The following HERC3 variants were observed in gnomAD, a reference collection of about 807,000 sequenced individuals.
The protein encoded by HERC3 is probable E3 ubiquitin-protein ligase HERC3.
In HERC3, 58 loss-of-function variants were observed where a neutral mutation model predicts 129.9. The observed-to-expected ratio is 0.45, with a 90% CI of 0.36 to 0.56. HERC3 has a LOEUF of 0.56. Ranked by LOEUF, HERC3 falls within the 20% of genes least tolerant of loss-of-function variation. The pLI is 0.00. For synonymous variants in HERC3, 430 were observed against 451.0 expected (o/e 0.95, Z 0.59); for missense variants, 835 against 1,244.2 (o/e 0.67, Z 4.95).
chr4:88,552,898 C>G, the HERC3 span, among the ~76,000 whole-genome samples: 1 of 152,186 alleles, frequency 6.6e-6, no homozygotes, highest in South Asian at 2.1e-4. Flanking sequence ...CCCTCTTTCG[C>G]TACCCTCCAA....
intron 3 of HERC3, 92 bp downstream of exon 3, chr4:88,606,141 G>A: frequency 9.8e-7 from 1 of 1,016,662 alleles, no homozygotes; most frequent in Non-Finnish European, 1.4e-6. Context: ...TCTCCACCAA[G>A]TGTTCGGTTT....
At chr4:88,523,951 T>C in the HERC3 span, 1 of 481,156 alleles carries the variant, frequency 2.1e-6, no homozygotes, top group Non-Finnish European at 3.6e-6. Flanking sequence ...CCCGCCGCCT[T>C]ACCAGACTAC....
chr4:88,636,389 A>G (rs1727401075), intron 3 of HERC3, among the ~76,000 whole-genome samples: 1 of 152,226 alleles, frequency 6.6e-6, no homozygotes, highest in Non-Finnish European at 1.5e-5. Context: ...CAAGATCAAA[A>G]AAAAGACAAA....
Position 88,594,410 on chromosome 4 carries a change from C to G in HERC3, c.-87-1147C>G, listed in dbSNP as rs544257500. Among the ~76,000 whole-genome samples the G allele has an allele frequency of 4.6e-5, 7 of 152,218 alleles. No homozygotes were observed. The South Asian group carries it at 1.5e-3, about 32-fold the overall frequency. Reference sequence around the variant, plus strand: ...GGTAGAAATAAAGTTATGACAATATCTTTTCTTTCGAGATGGGGGGTCTCG... The same window carrying G: ...GGTAGAAATAAAGTTATGACAATATGTTTTCTTTCGAGATGGGGGGTCTCG... On this transcript the variant is annotated intron_variant, in intron 1 of 25. Transcript: ENST00000402738.
At chr4:88,593,434 G>T (rs1032917577) in intron 1 of HERC3, 6 of 152,288 alleles carry the variant, frequency 3.9e-5, no homozygotes, top group African/African-American at 1.4e-4. Flanking sequence ...AGCCTATGGA[G>T]ACAGTACCTA....
chr4:88,678,214 T>A (rs577980533), intron 19 of HERC3, 80 bp downstream of exon 19: 1 of 1,298,310 alleles, frequency 7.7e-7, no homozygotes, highest in East Asian at 2.4e-5. Context: ...AGTGATCTTA[T>A]TAAAATTGTG....
intron 2 of HERC3, among the ~76,000 whole-genome samples, chr4:88,602,402 CAAA>C (rs112656963): frequency 1.2e-4 from 6 of 51,226 alleles, no homozygotes; most frequent in Non-Finnish European, 1.8e-4. Context: ...ACTTGGTCTC[CAAA>C]AAAAAAAAAA....
chr4:88,600,940 C>G (rs563652369), intron 2 of HERC3, among the ~76,000 whole-genome samples: 2 of 152,236 alleles, frequency 1.3e-5, no homozygotes, highest in South Asian at 4.1e-4. Context: ...TGGATAATAG[C>G]AATTGAGCAA....
intron 9 of HERC3, among the ~76,000 whole-genome samples, chr4:88,658,034 G>T (rs887647153): frequency 6.6e-6 from 1 of 152,208 alleles, no homozygotes; most frequent in Non-Finnish European, 1.5e-5. Context: ...GTCCTTCCGT[G>T]GCAAGATTCG....
chr4:88,570,376 A>G, the HERC3 span, among the ~76,000 whole-genome samples: 1 of 152,244 alleles, frequency 6.6e-6, no homozygotes, highest in African/African-American at 2.4e-5. Flanking sequence ...TGATGAAACA[A>G]TCTTAGTCAG....
chr4:88,660,990 G>A (rs1388275859), intron 10 of HERC3, among the ~76,000 whole-genome samples: 1 of 152,190 alleles, frequency 6.6e-6, no homozygotes, highest in Non-Finnish European at 1.5e-5. Context: ...AAGACAGGAA[G>A]AATGATGTTT....
intron 3 of HERC3, among the ~76,000 whole-genome samples, chr4:88,643,422 T>C (rs1301498522): frequency 2.0e-5 from 3 of 152,232 alleles, no homozygotes; most frequent in Non-Finnish European, 4.4e-5. Context: ...GTAAAGGATC[T>C]AGAATACCTG....
At chr4:88,552,332 T>C in the HERC3 span, among the ~76,000 whole-genome samples, 1 of 152,050 alleles carries the variant, frequency 6.6e-6, no homozygotes, top group African/African-American at 2.4e-5. Flanking sequence ...TCAGAGTCCA[T>C]TCTTTGGGTT....
intron 5 of HERC3, 138 bp from the exon 6 acceptor site, chr4:88,652,731 A>G: frequency 1.2e-6 from 1 of 858,302 alleles, no homozygotes; most frequent in South Asian, 1.8e-5. Context: ...GTCTGATAGC[A>G]TGAAGTATCT....
At chr4:88,576,761 G>T in the HERC3 span, among the ~76,000 whole-genome samples, 11 of 151,986 alleles carry the variant, frequency 7.2e-5, no homozygotes, top group Non-Finnish European at 1.5e-4. Flanking sequence ...TTCCCACTTG[G>T]ATGTTGCCTT....
rs1385570427 is a variant in HERC3 at position 88,708,029 on chromosome 4, A to T, written c.*1069A>T. On this transcript the variant is annotated 3_prime_UTR_variant, in exon 26 of 26. Transcript: ENST00000402738. ...AGTGGATGCATGCAGCCTTTTTTTC[A>T]ATTTTTATTTAAATTGCAAAATTTT... 6.6e-6 allele frequency: 1 copy of T among 151,560 alleles called. No homozygotes were observed. Among genetic ancestry groups the T allele is most frequent in the Admixed American group, 6.6e-5 (1 of 15,184 alleles). 9.4% of individuals were successfully genotyped at this position (151,560 alleles called of 1,614,324 possible). A position where few individuals can be genotyped will look rare whatever the true frequency, so the allele number is the denominator to read the frequency against.
At chr4:88,659,647 G>T (rs1184473635) in intron 10 of HERC3, among the ~76,000 whole-genome samples, 1 of 152,130 alleles carries the variant, frequency 6.6e-6, no homozygotes, top group Non-Finnish European at 1.5e-5. Flanking sequence ...GTTTTTCTTT[G>T]TTTCTTCAAG....
At chr4:88,571,154 G>A in the HERC3 span, among the ~76,000 whole-genome samples, 2 of 152,042 alleles carry the variant, frequency 1.3e-5, no homozygotes, top group African/African-American at 2.4e-5. Context: ...CTACAACTCT[G>A]AGCTTCTAGG....
chr4:88,685,639 A>G (rs1448224652), intron 21 of HERC3, among the ~76,000 whole-genome samples: 5 of 152,212 alleles, frequency 3.3e-5, no homozygotes, highest in South Asian at 2.1e-4. Flanking sequence ...TAGGACAAAT[A>G]CCTAATGCAT....
Sources: allele counts gnomAD v4.1 joint callset (sites outside exome capture counted in the v4.1 genomes callset), GRCh38; gene constraint gnomAD v4.1.1; transcripts MANE v1.5; gene names NCBI Gene and HGNC (gene_info 2026-07-23, HGNC 2026-07-21).